The following ZKSCAN8 variants were observed in gnomAD, a reference collection of about 807,000 sequenced individuals.
ZKSCAN8 encodes the protein zinc finger protein with KRAB and SCAN domains 8.
ZKSCAN8 carries 27 observed loss-of-function variants against 57.2 expected under a neutral mutation model. The observed-to-expected ratio is 0.47, with a 90% CI of 0.35 to 0.65. The LOEUF is 0.65. Ranked by LOEUF, ZKSCAN8 falls within the 30% of genes least tolerant of loss-of-function variation. The pLI is 0.01. For synonymous variants in ZKSCAN8, 214 were observed against 248.7 expected (o/e 0.86, Z 1.31); for missense variants, 597 against 696.3 (o/e 0.86, Z 1.60).
rs1765486479 is a variant in ZKSCAN8 at position 28,148,645 on chromosome 6, C to G, written c.238C>G (p.Leu80Val). The G allele has an allele frequency of 1.2e-6, 2 of 1,614,110 alleles. No homozygotes were observed. The highest frequency in any genetic ancestry group is 1.7e-6 in the Non-Finnish European group (2 of 1,180,008). The change falls in exon 2 of 6, where the codon CTG (leucine) becomes GTG (valine). Residue 80 changes from leucine to valine, a missense_variant. Transcript: ENST00000330236. The stretch of plus-strand genomic sequence containing the variant: ...ACTACGGGCCCTTTGCCATCAGTGG[C>G]TGAGGCCAGATTTGAACACCAAGGA... ...IQLRALCHQW[L>V]RPDLNTKEQI...
intron 3 of ZKSCAN8, 38 bp downstream of exon 3, chr6:28,149,662 G>A: frequency 6.2e-7 from 1 of 1,609,998 alleles, no homozygotes; most frequent in Non-Finnish European, 8.5e-7. Flanking sequence ...AGGGGGGGAA[G>A]TACAAATAAA....
intron 3 of ZKSCAN8, among the ~76,000 whole-genome samples, chr6:28,151,623 T>C (rs1765593341): frequency 6.6e-6 from 1 of 152,254 alleles, no homozygotes; most frequent in Non-Finnish European, 1.5e-5. Flanking sequence ...CTTTCTATTT[T>C]TGAGTGTAAC....
At position 28,157,556 on chromosome 6, in the gene ZKSCAN8, C is replaced by G. The variant is rs1257573831; in HGVS notation, c.*3539C>G. On this transcript the variant is annotated 3_prime_UTR_variant, in exon 6 of 6. Coordinates refer to ENST00000330236, the MANE Select transcript of ZKSCAN8 (RefSeq NM_006298.4). The stretch of plus-strand genomic sequence containing the variant: ...GGTGTGTATAATGAACATGGTAATT[C>G]TAACCAGCTTTTTAAAAATATGTAG... The G allele has an allele frequency of 2.0e-5, 3 of 152,142 alleles. No homozygotes were observed. Among genetic ancestry groups the G allele is most frequent in the Non-Finnish European group, 4.4e-5 (3 of 68,040 alleles). 9.4% of individuals were successfully genotyped at this position (152,142 alleles called of 1,614,324 possible).
intron 3 of ZKSCAN8, among the ~76,000 whole-genome samples, chr6:28,150,872 T>C (rs1464436352): frequency 6.6e-6 from 1 of 152,190 alleles, no homozygotes; most frequent in African/African-American, 2.4e-5. Context: ...AGTGGCACGA[T>C]CTCAGCTCAC....
At chr6:28,152,505 G>T in intron 5 of ZKSCAN8, 121 bp downstream of exon 5, 1 of 1,292,930 alleles carries the variant, frequency 7.7e-7, no homozygotes. Flanking sequence ...TCCAGCAGAG[G>T]GATATGATGT....
intron 3 of ZKSCAN8, among the ~76,000 whole-genome samples, chr6:28,151,037 C>T (rs1302452957): frequency 6.6e-6 from 1 of 152,150 alleles, no homozygotes; most frequent in Non-Finnish European, 1.5e-5. Context: ...AACTCCTAGC[C>T]TCAAGCGATC....
chr6:28,152,417 A>T, intron 5 of ZKSCAN8, 33 bp downstream of exon 5: 1 of 1,573,180 alleles, frequency 6.4e-7, no homozygotes, highest in Non-Finnish European at 8.6e-7. Context: ...TTGTCATTTT[A>T]GATTTTTTGT....
chr6:28,147,765 A>T (rs965447883), intron 1 of ZKSCAN8, among the ~76,000 whole-genome samples: 5 of 152,196 alleles, frequency 3.3e-5, no homozygotes, highest in Non-Finnish European at 7.3e-5. Flanking sequence ...TCACGTCCAT[A>T]GTAGAGGAAG....
chr6:28,143,410 T>C (rs956042965), intron 1 of ZKSCAN8, among the ~76,000 whole-genome samples: 6 of 152,174 alleles, frequency 3.9e-5, no homozygotes, highest in Non-Finnish European at 7.3e-5. Flanking sequence ...TTTTCATCAG[T>C]GTTGTTATTG....
At chr6:28,152,839 A>G (rs1561822135) in intron 5 of ZKSCAN8, among the ~76,000 whole-genome samples, 1 of 151,726 alleles carries the variant, frequency 6.6e-6, no homozygotes, top group Non-Finnish European at 1.5e-5. Flanking sequence ...TCCCCTTCCA[A>G]TTAACTCTCT....
chr6:28,152,159 C>T, intron 4 of ZKSCAN8, 102 bp from the exon 5 acceptor site: 1 of 1,511,770 alleles, frequency 6.6e-7, no homozygotes, highest in South Asian at 1.3e-5. Context: ...AGTACATTCC[C>T]AAGTTGTAAT....
chr6:28,143,716 A>G (rs927273463), intron 1 of ZKSCAN8, among the ~76,000 whole-genome samples: 3 of 152,218 alleles, frequency 2.0e-5, no homozygotes, highest in South Asian at 2.1e-4. Context: ...ACTATATAAC[A>G]TCACATTCTA....
At chr6:28,150,359 C>G (rs1765553865) in intron 3 of ZKSCAN8, among the ~76,000 whole-genome samples, 2 of 152,142 alleles carry the variant, frequency 1.3e-5, no homozygotes, top group Admixed American at 1.3e-4. Flanking sequence ...ACACCTCACC[C>G]TGCCAAGGAT....
chr6:28,142,301 G>A (rs1218187718), intron 1 of ZKSCAN8: 1 of 151,976 alleles, frequency 6.6e-6, no homozygotes, highest in Non-Finnish European at 1.5e-5. Flanking sequence ...TCTTAAAATG[G>A]GGAACGCCCC....
rs549740955 is a variant in ZKSCAN8, at chr6:28,149,613, C to T, written c.548C>T (p.Ser183Leu). 2 of 1,613,754 alleles carry T rather than the reference C, an allele frequency of 1.2e-6. No individual in the cohort carries two copies. The highest frequency in any genetic ancestry group is 4.5e-5 in the East Asian group (2 of 44,858). Residue 183 changes from serine to leucine, a missense_variant, in exon 3 of 6, where the codon TCA (serine) becomes TTA (leucine). By Grantham distance (145) the Ser-to-Leu change is moderately radical. Coordinates refer to ENST00000330236, the MANE Select transcript of ZKSCAN8 (RefSeq NM_006298.4). Reference sequence around the variant, plus strand: ...CATAAATCTCCAGTGCCCCAAGAGTCACAAGAGAGAGGTGAGTAGCCAGAT... The same window carrying T: ...CATAAATCTCCAGTGCCCCAAGAGTTACAAGAGAGAGGTGAGTAGCCAGAT... Reference protein sequence around the residue: ...TQHKSPVPQESQERAMSTSQS... With the variant: ...TQHKSPVPQELQERAMSTSQS...
intron 3 of ZKSCAN8, among the ~76,000 whole-genome samples, chr6:28,149,912 A>G (rs796222247): frequency 2.0e-5 from 3 of 151,676 alleles, no homozygotes; most frequent in Non-Finnish European, 4.4e-5. Context: ...TTACATATGT[A>G]TACATGTGCC....
At position 28,144,488 on chromosome 6, in the gene ZKSCAN8, T is replaced by C. The variant is rs1765323593; in HGVS notation, c.-93+2459T>C. Reference sequence around the variant, plus strand: ...CTCTTCTTTGTGGACTATAGGTCTCTGGTTTTATCTTGATGTTAGCATCTC... The same window carrying C: ...CTCTTCTTTGTGGACTATAGGTCTCCGGTTTTATCTTGATGTTAGCATCTC... On this transcript the variant is annotated intron_variant, in intron 1 of 5. Coordinates refer to ENST00000330236, the MANE Select transcript of ZKSCAN8 (RefSeq NM_006298.4). This position sits in a 1 kb window ranked among gnomAD's most constrained non-coding sequence, Gnocchi z 4.5. 6.6e-6 allele frequency: 1 copy of C among 152,280 alleles called. No individual in the cohort carries two copies. The highest frequency in any genetic ancestry group is 1.5e-5 in the Non-Finnish European group (1 of 68,056). The allele number at this position is 152,280 out of a possible 1,614,324, so 9.4% of individuals were successfully genotyped here.
Position 28,153,409 on chromosome 6 carries a change from C to T in ZKSCAN8, c.1129C>T (p.Arg377Cys), listed in dbSNP as rs772937846. 1.5e-5 allele frequency: 25 copies of T among 1,613,960 alleles called. No homozygotes were observed. Among genetic ancestry groups the T allele is most frequent in the Middle Eastern group, 3.3e-4 (2 of 6,084 alleles). ...SHQDIHNKVK[R>C]YHCKECGKAF... ...TCAGGATATCCACAACAAAGTAAAACGCTATCACTGTAAGGAGTGTGGCAA... is the reference window on the plus strand; with the variant it reads ...TCAGGATATCCACAACAAAGTAAAATGCTATCACTGTAAGGAGTGTGGCAA... Residue 377 changes from arginine to cysteine, a missense_variant, in exon 6 of 6, where the codon CGC becomes TGC. Physicochemically the swap from Arg to Cys is radical, Grantham distance 180. Transcript: ENST00000330236.
Position 28,148,310 on chromosome 6 carries a change from A to C in ZKSCAN8, c.-92-6A>C. The C allele has an allele frequency of 7.7e-7, 1 of 1,297,684 alleles. No individual in the cohort carries two copies. The highest frequency in any genetic ancestry group is 1.0e-6 in the Non-Finnish European group (1 of 956,174). The allele number at this position is 1,297,684 out of a possible 1,614,324, so 80.4% of individuals were successfully genotyped here. A position where few individuals can be genotyped will look rare whatever the true frequency, so the allele number is the denominator to read the frequency against. ...GCCTTAACACTATCATATTTTCTTC[A>C]TGAAGAAGTACCCTTAGAAAGAGGC... is the stretch of plus-strand genomic sequence containing the variant. On this transcript the variant is annotated splice_polypyrimidine_tract_variant and splice_region_variant and intron_variant, in intron 1 of 5. Transcript: ENST00000330236.
Sources: gnomAD v4.1 joint callset for allele counts (sites outside exome capture counted in the v4.1 genomes callset) on GRCh38, gnomAD v4.1.1 for gene constraint, Gnocchi (gnomAD v3.1) non-coding constraint, MANE v1.5 for transcripts, NCBI Gene and HGNC (gene_info 2026-07-23, HGNC 2026-07-21) for gene names.